The following WFDC2 variants were observed in gnomAD, a reference collection of about 807,000 sequenced individuals.
The protein encoded by WFDC2 is WAP four-disulfide core domain 2.
Under a neutral mutation model 12.5 loss-of-function variants are expected in WFDC2, and 8 were observed. The observed-to-expected ratio is 0.64, with a 90% CI of 0.37 to 1.15. The LOEUF is 1.15. WFDC2 is among the 50% of genes most tolerant of loss of function. WFDC2 has a pLI of 0.01. For missense variants in WFDC2, 166 were observed against 159.9 expected, an observed-to-expected ratio of 1.04 and a Z score of -0.21; for synonymous variants, 74 against 67.2, an observed-to-expected ratio of 1.10 and a Z score of -0.49.
At position 45,477,215 on chromosome 20, in the gene WFDC2, C is replaced by T. The variant is rs111259910; in HGVS notation, c.224-2727C>T. On this transcript the variant is annotated intron_variant, in intron 2 of 3. Transcript: ENST00000372676. ...ACTCATTCTCCGTCCAGTTTTGTTC[C>T]CTTGCTGGCGAGGAATTGTGATCCT... 3.9e-3 allele frequency among the ~76,000 whole-genome samples: 596 copies of T among 152,120 alleles called. 4 individuals carry two copies. Among genetic ancestry groups the T allele is most frequent in the African/African-American group, 0.014 (571 of 41,478 alleles).
intron 3 of WFDC2, among the ~76,000 whole-genome samples, chr20:45,480,561 G>T (rs958204650): frequency 6.6e-6 from 1 of 152,090 alleles, no homozygotes; most frequent in African/African-American, 2.4e-5. Flanking sequence ...AGGTTGTGGT[G>T]AGCTGAGATC....
chr20:45,476,366 C>G (rs973766899), intron 2 of WFDC2, among the ~76,000 whole-genome samples: 2 of 152,120 alleles, frequency 1.3e-5, no homozygotes, highest in African/African-American at 4.8e-5. Flanking sequence ...GTAAGGCAGG[C>G]CTGTTGATGA....
intron 2 of WFDC2, among the ~76,000 whole-genome samples, chr20:45,476,648 C>G (rs1485484024): frequency 6.6e-6 from 1 of 152,102 alleles, no homozygotes; most frequent in Admixed American, 6.6e-5. Flanking sequence ...GATTATGTGT[C>G]TTGGGGTTAT....
chr20:45,473,682 A>C (rs904828104), intron 2 of WFDC2, among the ~76,000 whole-genome samples: 1 of 152,194 alleles, frequency 6.6e-6, no homozygotes, highest in African/African-American at 2.4e-5. Context: ...ATTTGGTTCC[A>C]TATGAAATTT....
At chr20:45,475,822 A>G (rs1991226010) in intron 2 of WFDC2, among the ~76,000 whole-genome samples, 1 of 152,206 alleles carries the variant, frequency 6.6e-6, no homozygotes, top group African/African-American at 2.4e-5. Context: ...GTCTCTTTGT[A>G]GGTCTCTAAG....
chr20:45,478,170 G>A (rs1022908521), intron 2 of WFDC2, among the ~76,000 whole-genome samples: 2 of 152,086 alleles, frequency 1.3e-5, no homozygotes, highest in African/African-American at 4.8e-5. Context: ...GGGCGTGAAT[G>A]GTTCTGTCTC....
In WFDC2 at chr20:45,469,819, T is replaced by G; in HGVS notation, c.38T>G (p.Leu13Arg). ...ACRLGPLAAA[L>R]LLSLLLFGFT... ...CGCCTAGGCCCGCTAGCCGCCGCCCTCCTCCTCAGCCTGCTGCTGTTCGGC... is the reference window on the plus strand; with the variant it reads ...CGCCTAGGCCCGCTAGCCGCCGCCCGCCTCCTCAGCCTGCTGCTGTTCGGC... Residue 13 changes from leucine (L) to arginine (R), a missense_variant, in exon 1 of 4, where the codon CTC becomes CGC. Coordinates refer to ENST00000372676, the MANE Select transcript of WFDC2 (RefSeq NM_006103.4). 1 of 1,610,924 alleles carries G rather than the reference T, an allele frequency of 6.2e-7. No individual in the cohort carries two copies. Among genetic ancestry groups the G allele is most frequent in the South Asian group, 1.1e-5 (1 of 90,260 alleles).
Sources: allele counts gnomAD v4.1 joint callset (sites outside exome capture counted in the v4.1 genomes callset), GRCh38; gene constraint gnomAD v4.1.1; transcripts MANE v1.5; gene names NCBI Gene and HGNC (gene_info 2026-07-23, HGNC 2026-07-21).